ABCG5: variants seen among roughly 807,000 people sequenced by gnomAD.
The protein encoded by ABCG5 is ATP binding cassette subfamily G member 5.
In ABCG5, 64 loss-of-function variants were observed where a neutral mutation model predicts 64.5. The observed-to-expected ratio is 0.99, with a 90% confidence interval of 0.81 to 1.22. The LOEUF is 1.22. Among genes scored for constraint, ABCG5 ranks in the 50% most tolerant of loss-of-function variants. ABCG5 has a pLI of 0.00. For missense variants in ABCG5, 908 were observed against 829.5 expected, an observed-to-expected ratio of 1.09 and a Z score of -1.16; for synonymous variants, 385 against 326.3, an observed-to-expected ratio of 1.18 and a Z score of -1.94.
At chr2:43,817,046 G>C (rs1290635918) in intron 11 of ABCG5, among the ~76,000 whole-genome samples, 1 of 152,218 alleles carries the variant, frequency 6.6e-6, no homozygotes, top group East Asian at 1.9e-4. Context: ...TGGGTAAATG[G>C]AATGACTAGC....
At chr2:43,829,204 A>T (rs1558758444) in intron 4 of ABCG5, among the ~76,000 whole-genome samples, 1 of 152,170 alleles carries the variant, frequency 6.6e-6, no homozygotes, top group Admixed American at 6.5e-5. Flanking sequence ...TAAATGCTTT[A>T]TGTGTTTACA....
intron 7 of ABCG5, 82 bp from the exon 8 acceptor site, chr2:43,824,514 C>T: frequency 6.3e-7 from 1 of 1,597,846 alleles, no homozygotes; most frequent in Non-Finnish European, 8.5e-7. Context: ...TACAGGAGTA[C>T]TGGCCATAAT....
intron 6 of ABCG5, 141 bp from the exon 7 acceptor site, chr2:43,825,159 A>AT (rs1370454479): frequency 9.9e-7 from 1 of 1,014,820 alleles, no homozygotes; most frequent in African/African-American, 1.6e-5. Context: ...ATTTCCCATA[A>AT]GCAGTCAGTC....
At chr2:43,826,289 T>C in intron 6 of ABCG5, 93 bp downstream of exon 6, 1 of 1,585,708 alleles carries the variant, frequency 6.3e-7, no homozygotes, top group Non-Finnish European at 8.6e-7. Context: ...TGTGAGCCAC[T>C]GTGCCTGGCC....
Position 43,838,120 on chromosome 2 carries a change from C to A in ABCG5, c.144-165G>T. On this transcript the variant is annotated intron_variant, in intron 1 of 12. Transcript: ENST00000405322. This position sits in a 1 kb window ranked among gnomAD's most constrained non-coding sequence, Gnocchi z 4.2. ...CTCCTCTGTAGAACCTGGCAGATAG[C>A]GACTGAGGCTGTCTGCCACGTAGGG... 1.1e-6 allele frequency: 1 copy of A among 893,108 alleles called. No homozygotes were observed. The highest frequency in any genetic ancestry group is 1.7e-6 in the Non-Finnish European group (1 of 583,546). The allele number at this position is 893,108 out of a possible 1,614,324, so 55.3% of individuals were successfully genotyped here. A position where few individuals can be genotyped will look rare whatever the true frequency, so the allele number is the denominator to read the frequency against.
intron 2 of ABCG5, among the ~76,000 whole-genome samples, chr2:43,836,828 A>G (rs1668299006): frequency 1.3e-5 from 2 of 152,292 alleles, no homozygotes; most frequent in Non-Finnish European, 2.9e-5. Flanking sequence ...TTAAAAAAGA[A>G]AAAGAGTCTG....
chr2:43,836,575 C>T (rs1668281789), intron 2 of ABCG5, among the ~76,000 whole-genome samples: 1 of 152,158 alleles, frequency 6.6e-6, no homozygotes, highest in Admixed American at 6.5e-5. Context: ...ATGCAGCCAT[C>T]CCCCAGCTGC....
At chr2:43,826,224 T>A (rs1003742506) in intron 6 of ABCG5, among the ~76,000 whole-genome samples, 158 bp downstream of exon 6, 1 of 151,286 alleles carries the variant, frequency 6.6e-6, no homozygotes, top group Admixed American at 6.6e-5. Context: ...GGACTCAAAC[T>A]CCTGGCCTCA....
upstream of ABCG5, chr2:43,839,044 T>C (rs1553375223): frequency 1.3e-6 from 2 of 1,550,736 alleles, no homozygotes; most frequent in Non-Finnish European, 8.7e-7. Context: ...GTCACAGACC[T>C]GTGGGCCCCA....
chr2:43,829,990 T>C (rs1400597625), intron 4 of ABCG5, among the ~76,000 whole-genome samples: 3 of 152,216 alleles, frequency 2.0e-5, no homozygotes, highest in Non-Finnish European at 4.4e-5. Context: ...AAGAAAGCTC[T>C]TCTCTTGCCA....
At chr2:43,807,349 T>C in the ABCG5 span, among the ~76,000 whole-genome samples, 14 of 152,106 alleles carry the variant, frequency 9.2e-5, no homozygotes, top group African/African-American at 3.4e-4. Context: ...GTATTTTCTG[T>C]TTTTTAAAAG....
Position 43,825,038 on chromosome 2 carries a change from A to C in ABCG5, c.775-20T>G. ...AAAGAGCTGACCAGACAACAGACGT[A>C]GTTAGTGTGTGATCACAAGGGTAGC... On this transcript the variant is annotated intron_variant, in intron 6 of 12. Coordinates refer to ENST00000405322, the MANE Select transcript of ABCG5 (RefSeq NM_022436.3). The C allele has an allele frequency of 6.2e-7, 1 of 1,612,740 alleles. No individual in the cohort carries two copies. Among genetic ancestry groups the C allele is most frequent in the Non-Finnish European group, 8.5e-7 (1 of 1,179,304 alleles).
Position 43,838,103 on chromosome 2 carries a change from T to A in ABCG5, c.144-148A>T. 1 of 1,084,690 alleles carries A rather than the reference T, an allele frequency of 9.2e-7. No individual in the cohort carries two copies. The allele number at this position is 1,084,690 out of a possible 1,614,324, so 67.2% of individuals were successfully genotyped here. A position where few individuals can be genotyped will look rare whatever the true frequency, so the allele number is the denominator to read the frequency against. ...GTTTCAGTCTCTGCGCCCTCCTCTG[T>A]AGAACCTGGCAGATAGCGACTGAGG... On this transcript the variant is annotated intron_variant, in intron 1 of 12. Coordinates refer to ENST00000405322, the MANE Select transcript of ABCG5 (RefSeq NM_022436.3). The surrounding 1 kb of genome is among the most constrained non-coding windows in gnomAD (Gnocchi z 4.2).
At chr2:43,824,746 G>A (rs1261636992) in intron 7 of ABCG5, 143 bp downstream of exon 7, 26 of 1,447,386 alleles carry the variant, frequency 1.8e-5, no homozygotes, top group African/African-American at 1.0e-4. Context: ...TCATTGACCC[G>A]GCCAAATTGA....
chr2:43,824,951 A>C lies in ABCG5; in HGVS notation c.842T>G (p.Leu281Arg). ...GTAACCGCAGTCATTGAAGAAATCA[A>C]GCATTTCCGCTGGCGTGCCACAGAA... ...LIFCGTPAEM[L>R]DFFNDCGYPC... is the part of the protein sequence containing the mutation. Residue 281 changes from leucine to arginine, a missense_variant, in exon 7 of 13, where the codon CTT (leucine) becomes CGT (arginine). Physicochemically the swap from Leu to Arg is moderately radical, Grantham distance 102. Coordinates refer to ENST00000405322, the MANE Select transcript of ABCG5 (RefSeq NM_022436.3). 6.2e-7 allele frequency: 1 copy of C among 1,614,086 alleles called. No homozygotes were observed. The highest frequency in any genetic ancestry group is 2.2e-5 in the East Asian group (1 of 44,836).
rs67113914 is a variant in ABCG5 at position 43,833,363 on chromosome 2, ATATTATTATTAT to A, written c.266-1292_266-1281del. 4.8e-3 allele frequency among the ~76,000 whole-genome samples: 691 copies of A among 144,220 alleles called. 2 individuals carry two copies. Among genetic ancestry groups the A allele is most frequent in the Admixed American group, 9.5e-3 (136 of 14,244 alleles). The allele number at this position is 144,220 out of a possible 152,430, so 94.6% of individuals were successfully genotyped here. On this transcript the variant is annotated intron_variant, in intron 2 of 12. Coordinates refer to ENST00000405322, the MANE Select transcript of ABCG5 (RefSeq NM_022436.3). ...AGAGCCAAAGAGATCTTTTGTTGAA[ATATTATTATTAT>A]TATTATTATTATTATTATTATTATT...
At chr2:43,807,313 C>T in the ABCG5 span, among the ~76,000 whole-genome samples, 9 of 152,104 alleles carry the variant, frequency 5.9e-5, no homozygotes, top group Non-Finnish European at 1.2e-4. Context: ...CCAGACTTCA[C>T]ATGGGCACCA....
In ABCG5 at chr2:43,813,292, C is replaced by T; in HGVS notation, c.1780G>A (p.Val594Met). The change falls in exon 13 of 13, where the codon GTG (valine) becomes ATG (methionine). Residue 594 changes from valine (V) to methionine (M), a missense_variant. By Grantham distance (21) the Val-to-Met change is conservative. Transcript: ENST00000405322. ...AAGGCACACATTGGATTAGTTGTCA[C>T]AGAAACATTTGAGCTGCCTGTCAAG... ...NFTCGSSNVS[V>M]TTNPMCAFTQ... 6.2e-7 allele frequency: 1 copy of T among 1,613,458 alleles called. No individual in the cohort carries two copies. The highest frequency in any genetic ancestry group is 2.2e-5 in the East Asian group (1 of 44,866).
downstream of ABCG5, among the ~76,000 whole-genome samples, chr2:43,809,312 A>G (rs936512387): frequency 6.6e-6 from 1 of 152,162 alleles, no homozygotes; most frequent in Admixed American, 6.5e-5. Flanking sequence ...TTTTTTAAAT[A>G]TTTTGCTAAC....
Sources: gnomAD v4.1 joint callset for allele counts (sites outside exome capture counted in the v4.1 genomes callset) on GRCh38, gnomAD v4.1.1 for gene constraint, Gnocchi (gnomAD v3.1) non-coding constraint, MANE v1.5 for transcripts, NCBI Gene and HGNC (gene_info 2026-07-23, HGNC 2026-07-21) for gene names.